Variants in BBS9 observed in about 807,000 individuals in gnomAD.
BBS9 encodes Bardet-Biedl syndrome 9.
In BBS9, 89 loss-of-function variants were observed where a neutral mutation model predicts 117.7. The observed-to-expected ratio is 0.76, with a 90% confidence interval of 0.64 to 0.90. The LOEUF is 0.90. BBS9 is among the 40% of genes least tolerant of loss of function. The probability of loss-of-function intolerance (pLI) is 0.00; values close to 1 mark genes in which losing one functional copy is unlikely to be tolerated. For synonymous variants in BBS9, 379 were observed against 370.9 expected (o/e 1.02, Z -0.25); for missense variants, 982 against 1,042.2 (o/e 0.94, Z 0.80).
intron 19 of BBS9, among the ~76,000 whole-genome samples, chr7:33,389,937 A>C (rs1167251066): frequency 6.6e-6 from 1 of 152,118 alleles, no homozygotes; most frequent in Non-Finnish European, 1.5e-5. Context: ...AATGTATGGA[A>C]TTTACAAAAT....
At chr7:33,614,301 C>T (rs1230563943) in intron 21 of BBS9, among the ~76,000 whole-genome samples, 1 of 152,188 alleles carries the variant, frequency 6.6e-6, no homozygotes, top group Non-Finnish European at 1.5e-5. Context: ...AATAACGTGA[C>T]ACATGACTTT....
At chr7:33,154,442 G>A (rs1487625228) in intron 3 of BBS9, among the ~76,000 whole-genome samples, 2 of 152,108 alleles carry the variant, frequency 1.3e-5, no homozygotes, top group African/African-American at 2.4e-5. Context: ...AGGCCTGCTT[G>A]TACATGTGAG....
chr7:33,619,559 AT>A (rs1478616868), intron 21 of BBS9, among the ~76,000 whole-genome samples: 1 of 152,146 alleles, frequency 6.6e-6, no homozygotes, highest in Non-Finnish European at 1.5e-5. Context: ...AACGCATGAT[AT>A]TTTTGAATGC....
intron 16 of BBS9, among the ~76,000 whole-genome samples, chr7:33,361,940 T>C (rs1244465534): frequency 6.6e-6 from 1 of 152,130 alleles, no homozygotes; most frequent in African/African-American, 2.4e-5. Context: ...AAGCGTATAA[T>C]TTTGAAAAGT....
chr7:33,517,227 T>G (rs538308408), intron 20 of BBS9, among the ~76,000 whole-genome samples: 1 of 150,628 alleles, frequency 6.6e-6, no homozygotes, highest in South Asian at 2.1e-4. Context: ...TGCTAGGCAT[T>G]GATCAAGGAC....
intron 21 of BBS9, among the ~76,000 whole-genome samples, chr7:33,630,164 AAC>A (rs1276204144): frequency 6.6e-6 from 1 of 152,220 alleles, no homozygotes; most frequent in African/African-American, 2.4e-5. Context: ...TAATGATTAA[AAC>A]ACACAGAAAC....
At chr7:33,336,953 G>A (rs1330780870) in intron 10 of BBS9, among the ~76,000 whole-genome samples, 1 of 152,116 alleles carries the variant, frequency 6.6e-6, no homozygotes, top group African/African-American at 2.4e-5. Flanking sequence ...TTAAAATTTA[G>A]AGTGGTCATT....
At chr7:33,248,290 G>T (rs1052894145) in intron 5 of BBS9, among the ~76,000 whole-genome samples, 13 of 152,092 alleles carry the variant, frequency 8.5e-5, no homozygotes, top group Non-Finnish European at 1.5e-4. Flanking sequence ...GTTTTAAAAT[G>T]TATTTATTTA....
intron 21 of BBS9, among the ~76,000 whole-genome samples, chr7:33,618,674 T>C (rs1865262338): frequency 6.6e-6 from 1 of 152,184 alleles, no homozygotes; most frequent in South Asian, 2.1e-4. Context: ...GGGCAATATA[T>C]CAAGACCCCC....
At chr7:33,462,380 G>T (rs1402298726) in intron 19 of BBS9, among the ~76,000 whole-genome samples, 1 of 152,034 alleles carries the variant, frequency 6.6e-6, no homozygotes, top group Non-Finnish European at 1.5e-5. Context: ...GTTTGTAAAT[G>T]CAGTAATATA....
intron 9 of BBS9, among the ~76,000 whole-genome samples, chr7:33,277,322 G>A (rs1238905534): frequency 6.6e-6 from 1 of 152,152 alleles, no homozygotes; most frequent in Non-Finnish European, 1.5e-5. Context: ...TCCCTAAGAA[G>A]AGCCCCATAT....
chr7:33,533,711 A>G, intron 20 of BBS9: 1 of 542,222 alleles, frequency 1.8e-6, no homozygotes, highest in South Asian at 2.1e-5. Context: ...GGAGGGACAG[A>G]CTGTTAACAT....
chr7:33,476,965 A>T (rs922333383), intron 19 of BBS9, among the ~76,000 whole-genome samples: 22 of 152,176 alleles, frequency 1.4e-4, no homozygotes, highest in African/African-American at 5.3e-4. Flanking sequence ...AAAAGTTGGT[A>T]AATTATTTCA....
At chr7:33,634,732 C>T (rs1866061290) in intron 21 of BBS9, among the ~76,000 whole-genome samples, 2 of 152,204 alleles carry the variant, frequency 1.3e-5, no homozygotes, top group African/African-American at 4.8e-5. Context: ...GATGTGTAAG[C>T]ATGCAGTGTG....
chr7:33,527,137 G>A (rs184748455), intron 20 of BBS9, among the ~76,000 whole-genome samples: 27,635 of 149,990 alleles, frequency 0.18, 3,570 homozygotes, highest in East Asian at 0.42. Context: ...TGGGAGAACC[G>A]CTGCTCTCTT....
intron 21 of BBS9, among the ~76,000 whole-genome samples, chr7:33,617,928 A>T (rs1052001891): frequency 6.6e-6 from 1 of 152,186 alleles, no homozygotes; most frequent in African/African-American, 2.4e-5. Flanking sequence ...TGCATTATGG[A>T]AGTTCTTCAA....
At position 33,278,722 on chromosome 7, in the gene BBS9, G is replaced by A. The variant is rs543618978; in HGVS notation, c.1016+4766G>A. On this transcript the variant is annotated intron_variant, in intron 9 of 22. Coordinates refer to ENST00000242067, the MANE Select transcript of BBS9 (RefSeq NM_198428.3). ...CGACAGTGCCTCACCAGCAGGTACA[G>A]TGCCAAAGATGACCCTCAGTAGAAA... 3.9e-5 allele frequency among the ~76,000 whole-genome samples: 6 copies of A among 152,248 alleles called. No homozygotes were observed. In the East Asian group the frequency reaches 1.2e-3, roughly 29 times the overall value.
At chr7:33,465,162 G>A (rs992084870) in intron 19 of BBS9, among the ~76,000 whole-genome samples, 3 of 151,648 alleles carry the variant, frequency 2.0e-5, no homozygotes, top group African/African-American at 7.3e-5. Flanking sequence ...ATGTAGAGAT[G>A]GGATCTGTGG....
intron 2 of BBS9, among the ~76,000 whole-genome samples, chr7:33,151,850 C>CT (rs11346140): frequency 0.21 from 17,539 of 82,308 alleles, 2,786 homozygotes; most frequent in Non-Finnish European, 0.24. Flanking sequence ...TGCACCCAGC[C>CT]TTTTTTTTTT....
Sources: gnomAD v4.1 joint callset for allele counts (sites outside exome capture counted in the v4.1 genomes callset) on GRCh38, gnomAD v4.1.1 for gene constraint, MANE v1.5 for transcripts, NCBI Gene and HGNC (gene_info 2026-07-23, HGNC 2026-07-21) for gene names.